ADAMTS2: variants seen among roughly 807,000 people sequenced by gnomAD.
ADAMTS2 encodes the protein ADAM metallopeptidase with thrombospondin type 1 motif 2.
Under a neutral mutation model 123.0 loss-of-function variants are expected in ADAMTS2, and 50 were observed. That is an observed-to-expected ratio of 0.41 (90% CI 0.32 to 0.51). The LOEUF (loss-of-function observed/expected upper bound fraction) is 0.51. Among genes scored for constraint, ADAMTS2 ranks in the 20% least tolerant of loss-of-function variants. The pLI, the probability that ADAMTS2 is intolerant of heterozygous loss-of-function variation, is 0.35. For synonymous variants in ADAMTS2, 678 were observed against 695.4 expected (o/e 0.98, Z 0.39); for missense variants, 1,494 against 1,705.2 (o/e 0.88, Z 2.18).
chr5:179,148,452 G>A (rs893214890), intron 10 of ADAMTS2, among the ~76,000 whole-genome samples: 2 of 152,130 alleles, frequency 1.3e-5, no homozygotes, highest in East Asian at 3.9e-4. Flanking sequence ...GCTTCAATTG[G>A]GCCAACTCTG....
rs1266244774 is a variant in ADAMTS2 at position 179,272,623 on chromosome 5, C to T, written c.688+288G>A. ...TGCCTTTAGGCAACAGAAGATGGGC[C>T]CTTGGACAGCCTTCATAGTCCACCA... is the stretch of plus-strand genomic sequence containing the variant. On this transcript the variant is annotated intron_variant, in intron 3 of 21. Transcript: ENST00000251582. The surrounding 1 kb of genome is among the most constrained non-coding windows in gnomAD (Gnocchi z 5.8). Among the ~76,000 whole-genome samples the T allele has an allele frequency of 1.3e-5, 2 of 152,110 alleles. No individual in the cohort carries two copies. Among genetic ancestry groups the T allele is most frequent in the African/African-American group, 4.8e-5 (2 of 41,424 alleles).
intron 2 of ADAMTS2, among the ~76,000 whole-genome samples, chr5:179,311,433 C>A (rs1756830233): frequency 6.6e-6 from 1 of 152,252 alleles, no homozygotes; most frequent in Admixed American, 6.5e-5. Flanking sequence ...CACCTGCCAG[C>A]AAAGCCTCAA....
At position 179,126,018 on chromosome 5, in the gene ADAMTS2, T is replaced by C. The variant is rs6869261; in HGVS notation, c.2730A>G (p.Pro910=). The change falls in exon 18 of 22, where the codon CCA becomes CCG. Residue 910 remains proline, a synonymous_variant. Coordinates refer to ENST00000251582, the MANE Select transcript of ADAMTS2 (RefSeq NM_014244.5). The part of the protein sequence containing the change: ...KPKAIRRACN[P]QECSQPVWVT... ...CTCACACTGGCTGGGAGCATTCCTG[T>C]GGGTTGCACGCTCTGCGGATGGCTT... 6.9e-3 allele frequency: 11,092 copies of C among 1,613,404 alleles called. 684 individuals carry two copies. In the African/African-American group the frequency reaches 0.13, roughly 19 times the overall value.
rs1763062979 is a variant in ADAMTS2 at position 179,136,062 on chromosome 5, G to A, written c.1952-20C>T. ...CCTTGGCTGGAAGGGAAGCAGCTGG[G>A]GGTCTGCAAGGAGCCCTGATGGCTT... On this transcript the variant is annotated intron_variant, in intron 12 of 21. Transcript: ENST00000251582. The A allele has an allele frequency of 6.2e-7, 1 of 1,612,828 alleles. No homozygotes were observed. The highest frequency in any genetic ancestry group is 1.3e-5 in the African/African-American group (1 of 74,906).
At chr5:179,239,410 G>A (rs899591290) in intron 3 of ADAMTS2, among the ~76,000 whole-genome samples, 4 of 152,148 alleles carry the variant, frequency 2.6e-5, no homozygotes, top group East Asian at 3.9e-4. Flanking sequence ...GGGGAAGGCC[G>A]AGGGTGGAGT....
chr5:179,329,882 T>C (rs1377404817), intron 2 of ADAMTS2, among the ~76,000 whole-genome samples: 1 of 151,704 alleles, frequency 6.6e-6, no homozygotes, highest in Non-Finnish European at 1.5e-5. Context: ...ATCCCAGCAC[T>C]TTGGGAGGCC....
At chr5:179,182,920 C>G (rs182079991) in intron 4 of ADAMTS2, among the ~76,000 whole-genome samples, 113 of 152,314 alleles carry the variant, frequency 7.4e-4, no homozygotes, top group Non-Finnish European at 1.2e-3. Context: ...CCGAGGAGGG[C>G]ACCCAGGTCC....
intron 2 of ADAMTS2, among the ~76,000 whole-genome samples, chr5:179,338,823 A>T (rs1757690848): frequency 6.6e-6 from 1 of 152,112 alleles, no homozygotes; most frequent in Non-Finnish European, 1.5e-5. Context: ...AGTGGGGGGT[A>T]CAAGAGCAGA....
chr5:179,207,510 C>T lies in ADAMTS2; in HGVS notation c.891+3G>A. On this transcript the variant is annotated splice_donor_region_variant and intron_variant, in intron 4 of 21. Coordinates refer to ENST00000251582, the MANE Select transcript of ADAMTS2 (RefSeq NM_014244.5). Reference sequence around the variant, plus strand: ...ACCCTGCCCCCTCAGCCACCCCACTCACAATGTTCATGAGTGTCAGCAGGT... The same window carrying T: ...ACCCTGCCCCCTCAGCCACCCCACTTACAATGTTCATGAGTGTCAGCAGGT... The T allele has an allele frequency of 2.7e-6, 4 of 1,506,458 alleles. No individual in the cohort carries two copies. The highest frequency in any genetic ancestry group is 3.6e-6 in the Non-Finnish European group (4 of 1,098,644). 93.3% of individuals were successfully genotyped at this position (1,506,458 alleles called of 1,614,324 possible).
chr5:179,318,734 G>A (rs1026540371), intron 2 of ADAMTS2, among the ~76,000 whole-genome samples: 1 of 151,862 alleles, frequency 6.6e-6, no homozygotes. Flanking sequence ...GGATGGAGCT[G>A]AGCCTCCCCA....
intron 10 of ADAMTS2, among the ~76,000 whole-genome samples, chr5:179,141,321 C>T (rs999417304): frequency 2.6e-5 from 4 of 152,098 alleles, no homozygotes; most frequent in African/African-American, 9.7e-5. Context: ...TCAATTCTGC[C>T]ATCAGAGCTT....
Position 179,315,213 on chromosome 5 carries a change from G to A in ADAMTS2, c.534+28554C>T, listed in dbSNP as rs777095118. Among the ~76,000 whole-genome samples, 32 of 51,738 alleles carry A rather than the reference G, an allele frequency of 6.2e-4. No individual in the cohort carries two copies. In the Admixed American group the frequency reaches 6.6e-3, roughly 11 times the overall value. 33.9% of individuals were successfully genotyped at this position (51,738 alleles called of 152,430 possible). ...GGCTCCTCCCAAGACACGCGTCCAC[G>A]TCGCCATGGACAAGATTAAATACCC... On this transcript the variant is annotated intron_variant, in intron 2 of 21. Coordinates refer to ENST00000251582, the MANE Select transcript of ADAMTS2 (RefSeq NM_014244.5).
chr5:179,157,531 C>T (rs7730098), intron 6 of ADAMTS2, among the ~76,000 whole-genome samples: 69,177 of 145,314 alleles, frequency 0.48, 17,229 homozygotes, highest in African/African-American at 0.67. Flanking sequence ...TTTTTTTTTT[C>T]TTGTAAGACA....
chr5:179,221,190 T>C lies in ADAMTS2; in HGVS notation c.689-13475A>G, dbSNP rs556754668. 2.8e-4 allele frequency among the ~76,000 whole-genome samples: 43 copies of C among 152,254 alleles called. No individual in the cohort carries two copies. The Middle Eastern group carries it at 0.01, about 36-fold the overall frequency. On this transcript the variant is annotated intron_variant, in intron 3 of 21. Coordinates refer to ENST00000251582, the MANE Select transcript of ADAMTS2 (RefSeq NM_014244.5). ...GGCACCAGGGACTTCACACACCTCCTGTTTCTTCTTCATGGTAGCCGGTGG... is the reference window on the plus strand; with the variant it reads ...GGCACCAGGGACTTCACACACCTCCCGTTTCTTCTTCATGGTAGCCGGTGG...
intron 3 of ADAMTS2, among the ~76,000 whole-genome samples, chr5:179,229,193 G>A (rs1260547748): frequency 1.3e-5 from 2 of 151,750 alleles, no homozygotes; most frequent in African/African-American, 2.4e-5. Context: ...GAGGAAAGGA[G>A]GGGACGCCAG....
rs144040559 is a variant in ADAMTS2, at chr5:179,214,173, CA to C, written c.689-6459del. Among the ~76,000 whole-genome samples the C allele has an allele frequency of 8.4e-4, 76 of 90,392 alleles. 1 individual carries two copies. In the East Asian group the frequency reaches 0.017, roughly 21 times the overall value. 59.3% of individuals were successfully genotyped at this position (90,392 alleles called of 152,430 possible). ...TACTGAGACACATTAGGACACAACTCAAAAATCGTGCTCACAGTCACCATTA... is the reference window on the plus strand; with the variant it reads ...TACTGAGACACATTAGGACACAACTCAAAATCGTGCTCACAGTCACCATTA... On this transcript the variant is annotated intron_variant, in intron 3 of 21. Transcript: ENST00000251582.
chr5:179,127,329 C>A (rs1393964926), intron 17 of ADAMTS2, among the ~76,000 whole-genome samples: 1 of 152,156 alleles, frequency 6.6e-6, no homozygotes, highest in Non-Finnish European at 1.5e-5. Flanking sequence ...CAGGGAGTGA[C>A]CCCACCTCTT....
chr5:179,344,936 C>T (rs1205188583), intron 1 of ADAMTS2, among the ~76,000 whole-genome samples: 5 of 152,140 alleles, frequency 3.3e-5, no homozygotes, highest in Non-Finnish European at 7.4e-5. Flanking sequence ...TTTTCCCGGC[C>T]CTCCGTCCCC....
intron 3 of ADAMTS2, among the ~76,000 whole-genome samples, chr5:179,268,581 G>A (rs566033553): frequency 2.0e-4 from 30 of 152,242 alleles, no homozygotes; most frequent in Non-Finnish European, 3.5e-4. Flanking sequence ...TCAGCACAGG[G>A]TTGGCTTCTC....
Sources: gnomAD v4.1 joint callset for allele counts (sites outside exome capture counted in the v4.1 genomes callset) on GRCh38, gnomAD v4.1.1 for gene constraint, Gnocchi (gnomAD v3.1) non-coding constraint, MANE v1.5 for transcripts, NCBI Gene and HGNC (gene_info 2026-07-23, HGNC 2026-07-21) for gene names.